The following EBF2 variants were observed in gnomAD, a reference collection of about 807,000 sequenced individuals.
The protein encoded by EBF2 is transcription factor COE2.
EBF2 carries 21 observed loss-of-function variants against 72.8 expected under a neutral mutation model. The observed-to-expected ratio is 0.29, with a 90% CI of 0.20 to 0.42. The LOEUF (loss-of-function observed/expected upper bound fraction) is 0.42, where lower values mean the gene tolerates loss of function less well. EBF2 is among the 10% of genes least tolerant of loss of function. EBF2 has a pLI of 1.00. For synonymous variants in EBF2, 299 were observed against 274.2 expected (o/e 1.09, Z -0.89); for missense variants, 637 against 731.2 (o/e 0.87, Z 1.49).
intron 7 of EBF2, among the ~76,000 whole-genome samples, chr8:25,907,696 T>C (rs1002802681): frequency 5.3e-5 from 8 of 152,144 alleles, no homozygotes; most frequent in African/African-American, 1.7e-4. Flanking sequence ...GATTTACTTT[T>C]TGAAGTCTCA....
chr8:25,963,901 T>C (rs746585771), intron 6 of EBF2, among the ~76,000 whole-genome samples: 6 of 152,238 alleles, frequency 3.9e-5, no homozygotes, highest in Non-Finnish European at 7.3e-5. Context: ...AATGGGGCTC[T>C]AGTTTAGCCT....
In EBF2 at chr8:25,919,111, G is replaced by C. The variant is rs752502024; in HGVS notation, c.552-10556C>G. Among the ~76,000 whole-genome samples the C allele has an allele frequency of 2.0e-5, 3 of 152,314 alleles. No individual in the cohort carries two copies. The South Asian group carries it at 6.2e-4, about 32-fold the overall frequency. Reference sequence around the variant, plus strand: ...AAGGGTCCCTCTTTCATGCTGGAGAGTGGAGTCTCAAAGAAAAGTATGCAT... The same window carrying C: ...AAGGGTCCCTCTTTCATGCTGGAGACTGGAGTCTCAAAGAAAAGTATGCAT... On this transcript the variant is annotated intron_variant, in intron 6 of 15. Transcript: ENST00000520164.
At chr8:26,028,245 G>A (rs1003484009) in intron 6 of EBF2, among the ~76,000 whole-genome samples, 10 of 152,158 alleles carry the variant, frequency 6.6e-5, no homozygotes. Flanking sequence ...AGGTCATTGT[G>A]TTGTTTGTTT....
Position 26,044,785 on chromosome 8 carries a change from C to T in EBF2, c.75G>A (p.Ser25=). The change falls in exon 1 of 16, where the codon TCG becomes TCA. Residue 25 remains serine, a synonymous_variant. Transcript: ENST00000520164. The surrounding 1 kb of genome is among the most constrained non-coding windows in gnomAD (Gnocchi z 4.1). ...CGACATTCCGGACCCAGGACCTGAC[C>T]GAATCCATCTCCGCGCCCAGCGATT... ...KEKSLGAEMD[S]VRSWVRNVGV... 6.2e-7 allele frequency: 1 copy of T among 1,614,128 alleles called. No homozygotes were observed. The highest frequency in any genetic ancestry group is 8.5e-7 in the Non-Finnish European group (1 of 1,180,030).
chr8:25,897,458 T>A (rs1802878917), intron 7 of EBF2, among the ~76,000 whole-genome samples: 1 of 152,158 alleles, frequency 6.6e-6, no homozygotes, highest in African/African-American at 2.4e-5. Flanking sequence ...AATGATCCTG[T>A]CACCCAGGTA....
In EBF2 at chr8:25,953,276, C is replaced by A. The variant is rs1408484820; in HGVS notation, c.552-44721G>T. Among the ~76,000 whole-genome samples the A allele has an allele frequency of 2.0e-5, 3 of 152,168 alleles. No individual in the cohort carries two copies. The East Asian group carries it at 5.8e-4, about 29-fold the overall frequency. ...GACAGGAGCTCTGCTGGATTGATCA[C>A]CATGTCTTCAATGGCTGGCACACAA... On this transcript the variant is annotated intron_variant, in intron 6 of 15. Coordinates refer to ENST00000520164, the MANE Select transcript of EBF2 (RefSeq NM_022659.4).
At position 25,862,583 on chromosome 8, in the gene EBF2, G is replaced by T. The variant is rs185079939; in HGVS notation, c.1098+126C>A. Reference sequence around the variant, plus strand: ...ATAGCAGATATTTTATGTGCATCTCGTATCTAAAGCTTAGCCAAATTTCAA... The same window carrying T: ...ATAGCAGATATTTTATGTGCATCTCTTATCTAAAGCTTAGCCAAATTTCAA... On this transcript the variant is annotated intron_variant, in intron 11 of 15. Transcript: ENST00000520164. 1.8e-4 allele frequency: 94 copies of T among 510,630 alleles called. No individual in the cohort carries two copies. In the Admixed American group the frequency reaches 3.2e-3, roughly 17 times the overall value. 31.6% of individuals were successfully genotyped at this position (510,630 alleles called of 1,614,324 possible).
chr8:25,986,369 C>G (rs1804457501), intron 6 of EBF2, among the ~76,000 whole-genome samples: 1 of 152,174 alleles, frequency 6.6e-6, no homozygotes, highest in South Asian at 2.1e-4. Flanking sequence ...TTTACAGAAG[C>G]ATTGTTGAAT....
chr8:25,889,218 C>A (rs1431016566), intron 8 of EBF2, among the ~76,000 whole-genome samples: 4 of 152,128 alleles, frequency 2.6e-5, no homozygotes, highest in Admixed American at 6.5e-5. Context: ...TGTCAGTTAT[C>A]TTCATCGATA....
At chr8:25,957,432 G>T (rs980911704) in intron 6 of EBF2, among the ~76,000 whole-genome samples, 2 of 152,120 alleles carry the variant, frequency 1.3e-5, no homozygotes, top group Non-Finnish European at 2.9e-5. Flanking sequence ...CTAGTTCAGG[G>T]TTACAGACCT....
intron 6 of EBF2, among the ~76,000 whole-genome samples, chr8:25,957,253 T>C (rs188864461): frequency 1.3e-5 from 2 of 152,334 alleles, no homozygotes; most frequent in Non-Finnish European, 2.9e-5. Flanking sequence ...ATGCTTTGCA[T>C]ATGATAATAC....
intron 6 of EBF2, among the ~76,000 whole-genome samples, chr8:25,925,788 C>A (rs771212349): frequency 6.6e-6 from 1 of 152,012 alleles, no homozygotes; most frequent in Non-Finnish European, 1.5e-5. Context: ...CCTTCACAGC[C>A]GATCTGGGGC....
chr8:25,967,574 A>C (rs1044551970), intron 6 of EBF2, among the ~76,000 whole-genome samples: 5 of 152,202 alleles, frequency 3.3e-5, no homozygotes, highest in Non-Finnish European at 5.9e-5. Flanking sequence ...AAAGTGAAAA[A>C]CAGCAAAGTT....
At chr8:26,016,227 C>G (rs1805108557) in intron 6 of EBF2, among the ~76,000 whole-genome samples, 1 of 152,190 alleles carries the variant, frequency 6.6e-6, no homozygotes, top group South Asian at 2.1e-4. Context: ...ATTCATTGTG[C>G]TCATTCCACT....
chr8:25,927,091 G>A (rs1448223442), intron 6 of EBF2, among the ~76,000 whole-genome samples: 1 of 152,010 alleles, frequency 6.6e-6, no homozygotes, highest in East Asian at 1.9e-4. Context: ...CTAAGTAGAG[G>A]GATTACCCTT....
intron 6 of EBF2, among the ~76,000 whole-genome samples, chr8:26,008,926 C>T (rs914237326): frequency 1.3e-5 from 2 of 150,260 alleles, no homozygotes; most frequent in African/African-American, 4.9e-5. Flanking sequence ...TAGGAAAAGT[C>T]GTTAAGCCAA....
chr8:25,911,625 GA>G (rs1488320961), intron 6 of EBF2, among the ~76,000 whole-genome samples: 4 of 152,230 alleles, frequency 2.6e-5, no homozygotes, highest in Non-Finnish European at 5.9e-5. Flanking sequence ...CGAAGGAGTT[GA>G]ATGGGATCTG....
intron 6 of EBF2, among the ~76,000 whole-genome samples, chr8:25,962,978 A>T (rs1804058907): frequency 6.6e-6 from 1 of 152,192 alleles, no homozygotes; most frequent in Admixed American, 6.5e-5. Flanking sequence ...TAACTCCCTC[A>T]TGTGCTCTTC....
At chr8:25,847,362 T>C (rs1198435512) in intron 15 of EBF2, among the ~76,000 whole-genome samples, 1 of 152,158 alleles carries the variant, frequency 6.6e-6, no homozygotes, top group Non-Finnish European at 1.5e-5. Flanking sequence ...GATCCCAGGA[T>C]TTTTTGTTTG....
Sources: gnomAD v4.1 joint callset for allele counts (sites outside exome capture counted in the v4.1 genomes callset) on GRCh38, gnomAD v4.1.1 for gene constraint, Gnocchi (gnomAD v3.1) non-coding constraint, MANE v1.5 for transcripts, NCBI Gene and HGNC (gene_info 2026-07-23, HGNC 2026-07-21) for gene names.